COL5A1: variants seen among roughly 807,000 people sequenced by gnomAD.
The protein encoded by COL5A1 is collagen alpha-1(V) chain.
Under a neutral mutation model 263.7 loss-of-function variants are expected in COL5A1, and 16 were observed. The observed-to-expected ratio is 0.06, with a 90% CI of 0.04 to 0.09. The LOEUF (loss-of-function observed/expected upper bound fraction) is 0.09. Ranked by LOEUF, COL5A1 falls within the 10% of genes least tolerant of loss-of-function variation. The pLI is 1.00. For synonymous variants in COL5A1, 1,012 were observed against 1,004.5 expected (o/e 1.01, Z -0.14); for missense variants, 2,036 against 2,540.5 (o/e 0.80, Z 4.27).
rs780413398 is a variant in COL5A1, at chr9:134,817,663, C to T, written c.4177-115C>T. 5.6e-5 allele frequency: 53 copies of T among 949,186 alleles called. No individual in the cohort carries two copies. The Middle Eastern group carries it at 7.3e-4, about 13-fold the overall frequency. 58.8% of individuals were successfully genotyped at this position (949,186 alleles called of 1,614,324 possible). On this transcript the variant is annotated intron_variant, in intron 53 of 65. Transcript: ENST00000371817. ...CACCCTGAGCACCTGCACCCGAGCTCGTCCCTCTGCCCCTGCAGGCCACAC... is the reference window on the plus strand; with the variant it reads ...CACCCTGAGCACCTGCACCCGAGCTTGTCCCTCTGCCCCTGCAGGCCACAC...
At chr9:134,746,013 C>G (rs1438082324) in intron 11 of COL5A1, among the ~76,000 whole-genome samples, 1 of 152,164 alleles carries the variant, frequency 6.6e-6, no homozygotes, top group East Asian at 1.9e-4. Context: ...ATTTAGGACC[C>G]AAGATCTCAT....
At chr9:134,808,560 T>C (rs1227385701) in intron 42 of COL5A1, among the ~76,000 whole-genome samples, 1 of 149,222 alleles carries the variant, frequency 6.7e-6, no homozygotes, top group East Asian at 1.9e-4. Flanking sequence ...TTGGTGCATA[T>C]TCACACGTGT....
intron 36 of COL5A1, among the ~76,000 whole-genome samples, chr9:134,797,783 G>T (rs768115765): frequency 3.9e-5 from 6 of 152,098 alleles, no homozygotes; most frequent in African/African-American, 7.2e-5. Context: ...GAGCCCCCAC[G>T]CCCGGCCATC....
At chr9:134,800,529 GAGGTCGGGAGTTTGAGACC>G (rs1045119249) in intron 37 of COL5A1, among the ~76,000 whole-genome samples, 2 of 152,162 alleles carry the variant, frequency 1.3e-5, no homozygotes, top group African/African-American at 4.8e-5. Flanking sequence ...CGGATCACCT[GAGGTCGGGAGTTTGAGACC>G]AGCCCGGCCA....
intron 1 of COL5A1, among the ~76,000 whole-genome samples, chr9:134,673,162 G>A (rs1351095489): frequency 2.0e-5 from 3 of 152,184 alleles, no homozygotes; most frequent in Non-Finnish European, 4.4e-5. Flanking sequence ...AGATTGATAA[G>A]ATGATTCTGA....
chr9:134,711,067 A>C (rs542457586), intron 4 of COL5A1, among the ~76,000 whole-genome samples: 1 of 152,192 alleles, frequency 6.6e-6, no homozygotes, highest in Non-Finnish European at 1.5e-5. Flanking sequence ...GGGCAGCCAC[A>C]TGGGAAGCCG....
chr9:134,809,442 G>A (rs1480921336), intron 43 of COL5A1, 152 bp downstream of exon 43: 1 of 710,246 alleles, frequency 1.4e-6, no homozygotes, highest in African/African-American at 1.7e-5. Flanking sequence ...GGCATTAGGG[G>A]ATGATTTCAC....
intron 1 of COL5A1, among the ~76,000 whole-genome samples, chr9:134,657,937 G>A (rs142170654): frequency 9.5e-4 from 145 of 152,036 alleles, no homozygotes; most frequent in African/African-American, 3.1e-3. Flanking sequence ...GGAGTGGGGA[G>A]ACCAGGCCTG....
intron 42 of COL5A1, chr9:134,808,877 C>T (rs566936617): frequency 3.1e-4 from 143 of 456,340 alleles, no homozygotes; most frequent in Non-Finnish European, 5.0e-4. Flanking sequence ...AGAATTTGGC[C>T]GGCTGGATTT....
At chr9:134,746,120 C>T (rs188687488) in intron 11 of COL5A1, among the ~76,000 whole-genome samples, 1 of 152,316 alleles carries the variant, frequency 6.6e-6, no homozygotes, top group Non-Finnish European at 1.5e-5. Context: ...CCCTTCAGCC[C>T]ACCGCGCGTG....
rs181030830 is a variant in COL5A1, at chr9:134,704,933, C to T, written c.654+3600C>T. On this transcript the variant is annotated intron_variant, in intron 4 of 65. Coordinates refer to ENST00000371817, the MANE Select transcript of COL5A1 (RefSeq NM_000093.5). ...AAAGTGATTTATCTCTGCTTTCCAG[C>T]GGGCTCTGCATAACGACACCTCCCA... Among the ~76,000 whole-genome samples, 9 of 152,250 alleles carry T rather than the reference C, an allele frequency of 5.9e-5. No homozygotes were observed. The South Asian group carries it at 6.2e-4, about 11-fold the overall frequency.
Position 134,715,502 on chromosome 9 carries a change from C to G in COL5A1, c.655-11764C>G, listed in dbSNP as rs115379124. On this transcript the variant is annotated intron_variant, in intron 4 of 65. Transcript: ENST00000371817. ...GTGTCAGTCTGGGGGATGGTCAAGT[C>G]TTTCCCTTCCTATGAGGCCATATTT... Among the ~76,000 whole-genome samples, 1,245 of 152,280 alleles carry G rather than the reference C, an allele frequency of 8.2e-3. 14 individuals are homozygous for G. Among genetic ancestry groups the G allele is most frequent in the African/African-American group, 0.028 (1,167 of 41,532 alleles).
chr9:134,736,546 GT>G (rs1432371363), intron 9 of COL5A1, among the ~76,000 whole-genome samples: 1 of 152,246 alleles, frequency 6.6e-6, no homozygotes, highest in African/African-American at 2.4e-5. Context: ...TGAGGATTCA[GT>G]TTCCAACACA....
At chr9:134,834,902 T>G in intron 64 of COL5A1, 69 bp from the exon 65 acceptor site, 1 of 1,098,668 alleles carries the variant, frequency 9.1e-7, no homozygotes, top group East Asian at 2.5e-5. Context: ...CCCAGGGCAG[T>G]GCGGACGTGG....
rs146599236 is a variant in COL5A1, at chr9:134,674,092, T to C, written c.110-16820T>C. On this transcript the variant is annotated intron_variant, in intron 1 of 65. Coordinates refer to ENST00000371817, the MANE Select transcript of COL5A1 (RefSeq NM_000093.5). Reference sequence around the variant, plus strand: ...GGGATGCAAAGGGGTGCAACCACTTTGGAAAACAGTTTGGCTGTGTTTTAT... The same window carrying C: ...GGGATGCAAAGGGGTGCAACCACTTCGGAAAACAGTTTGGCTGTGTTTTAT... 7.1e-3 allele frequency among the ~76,000 whole-genome samples: 1,076 copies of C among 152,326 alleles called. 15 individuals carry two copies. The highest frequency in any genetic ancestry group is 0.024 in the African/African-American group (1,007 of 41,582).
intron 1 of COL5A1, among the ~76,000 whole-genome samples, chr9:134,653,970 AGGGCT>A (rs1564367147): frequency 1.5e-5 from 2 of 136,600 alleles, no homozygotes; most frequent in Admixed American, 7.3e-5. Flanking sequence ...GAGGGTGTGT[AGGGCT>A]GGAAGTGTAT....
chr9:134,801,004 C>A (rs1588564737), intron 37 of COL5A1, among the ~76,000 whole-genome samples: 1 of 152,220 alleles, frequency 6.6e-6, no homozygotes, highest in South Asian at 2.1e-4. Context: ...CAGATGGCTT[C>A]TCGCTGGCAC....
intron 1 of COL5A1, among the ~76,000 whole-genome samples, chr9:134,645,042 C>T (rs772208097): frequency 1.3e-5 from 2 of 152,182 alleles, no homozygotes; most frequent in Non-Finnish European, 2.9e-5. Flanking sequence ...ATTCCCCAAG[C>T]CCTCTCCCTG....
intron 7 of COL5A1, 147 bp from the exon 8 acceptor site, chr9:134,731,349 G>A (rs1588480595): frequency 2.4e-6 from 2 of 829,940 alleles, no homozygotes; most frequent in East Asian, 5.3e-5. Context: ...CAGTTGACCG[G>A]GTAGCCATGG....
Sources: allele counts gnomAD v4.1 joint callset (sites outside exome capture counted in the v4.1 genomes callset), GRCh38; gene constraint gnomAD v4.1.1; transcripts MANE v1.5; gene names NCBI Gene and HGNC (gene_info 2026-07-23, HGNC 2026-07-21).